Variants in CPNE4 observed in about 807,000 individuals in gnomAD.
CPNE4 encodes the protein copine-4.
CPNE4 carries 25 observed loss-of-function variants against 67.9 expected under a neutral mutation model. That is an observed-to-expected ratio of 0.37 (90% CI 0.27 to 0.51). CPNE4 has a LOEUF of 0.51. Ranked by LOEUF, CPNE4 falls within the 20% of genes least tolerant of loss-of-function variation. The pLI, the probability that CPNE4 is intolerant of heterozygous loss-of-function variation, is 0.93. For missense variants in CPNE4, 464 were observed against 690.8 expected (o/e 0.67, Z 3.68); for synonymous variants, 242 against 244.9 (o/e 0.99, Z 0.11).
chr3:131,884,090 T>C (rs922416121), intron 2 of CPNE4, among the ~76,000 whole-genome samples: 8 of 152,244 alleles, frequency 5.3e-5, no homozygotes, highest in Non-Finnish European at 1.2e-4. Context: ...ACACATTTAT[T>C]GTGTATTTTC....
chr3:131,896,747 T>C (rs1409540572), intron 2 of CPNE4, among the ~76,000 whole-genome samples: 5 of 152,100 alleles, frequency 3.3e-5, no homozygotes, highest in Non-Finnish European at 7.4e-5. Flanking sequence ...TGATACCTCC[T>C]GGTGCCACAT....
intron 2 of CPNE4, among the ~76,000 whole-genome samples, chr3:131,904,416 G>A (rs1385163534): frequency 2.6e-5 from 4 of 152,054 alleles, no homozygotes; most frequent in Non-Finnish European, 4.4e-5. Flanking sequence ...GGCTTAGAAC[G>A]AGTCACTTCT....
intron 2 of CPNE4, among the ~76,000 whole-genome samples, chr3:131,833,364 T>A (rs2085447679): frequency 6.6e-6 from 1 of 152,194 alleles, no homozygotes; most frequent in African/African-American, 2.4e-5. Context: ...ATTCCATTTA[T>A]ATCAGAAGAG....
At chr3:131,569,806 T>C (rs1408597985) in intron 10 of CPNE4, among the ~76,000 whole-genome samples, 3 of 151,940 alleles carry the variant, frequency 2.0e-5, no homozygotes, top group Non-Finnish European at 4.4e-5. Context: ...CAGCTTATTA[T>C]ATTACTAAAA....
chr3:131,621,422 T>G (rs946569934), intron 7 of CPNE4, among the ~76,000 whole-genome samples: 4 of 152,000 alleles, frequency 2.6e-5, no homozygotes, highest in African/African-American at 9.7e-5. Context: ...TTAAAACTTT[T>G]TTTTGTAGAG....
intron 2 of CPNE4, among the ~76,000 whole-genome samples, chr3:131,851,785 G>A (rs1169063830): frequency 6.6e-6 from 1 of 152,056 alleles, no homozygotes. Flanking sequence ...ACCACCTGCA[G>A]ATATATAGAA....
chr3:132,018,793 C>A (rs573928883), intron 1 of CPNE4, among the ~76,000 whole-genome samples: 4 of 152,150 alleles, frequency 2.6e-5, no homozygotes, highest in Non-Finnish European at 5.9e-5. Context: ...CTTTAATATA[C>A]CACATCATTG....
chr3:131,618,390 T>C (rs538515719), intron 7 of CPNE4, among the ~76,000 whole-genome samples: 2 of 152,288 alleles, frequency 1.3e-5, no homozygotes, highest in East Asian at 3.9e-4. Flanking sequence ...TTATGACTTT[T>C]TTGTGGGGAG....
intron 2 of CPNE4, among the ~76,000 whole-genome samples, chr3:131,792,304 A>G (rs916334325): frequency 6.6e-6 from 1 of 152,004 alleles, no homozygotes; most frequent in Non-Finnish European, 1.5e-5. Flanking sequence ...TTCAGGAAAG[A>G]TATTTTAATA....
At chr3:131,615,946 CACACA>C (rs1476674642) in intron 7 of CPNE4, among the ~76,000 whole-genome samples, 1 of 148,998 alleles carries the variant, frequency 6.7e-6, no homozygotes, top group East Asian at 1.9e-4. Context: ...CACACACACA[CACACA>C]AAAGAACATT....
intron 7 of CPNE4, among the ~76,000 whole-genome samples, chr3:131,653,332 T>C (rs2079861984): frequency 6.6e-6 from 1 of 151,604 alleles, no homozygotes. Context: ...TTTTTTTTAG[T>C]ACAGATGGGG....
intron 1 of CPNE4, among the ~76,000 whole-genome samples, chr3:131,974,952 G>T (rs2072607449): frequency 6.6e-6 from 1 of 152,188 alleles, no homozygotes. Context: ...AGGTTCCCAT[G>T]AGCGGAGATT....
chr3:131,554,848 G>A (rs1559888660), intron 12 of CPNE4, among the ~76,000 whole-genome samples: 2 of 152,162 alleles, frequency 1.3e-5, no homozygotes, highest in South Asian at 4.1e-4. Context: ...GTGGGCACGA[G>A]TTCTCTGTGG....
chr3:131,748,439 G>C (rs1299164745), intron 2 of CPNE4, among the ~76,000 whole-genome samples: 2 of 151,742 alleles, frequency 1.3e-5, no homozygotes, highest in African/African-American at 4.8e-5. Context: ...TTGATATCAG[G>C]ATTATAAAAG....
intron 2 of CPNE4, among the ~76,000 whole-genome samples, chr3:131,876,802 C>G (rs114188529): frequency 8.5e-5 from 13 of 152,068 alleles, no homozygotes; most frequent in Non-Finnish European, 1.9e-4. Context: ...ACATCACTAA[C>G]CAGAAGACCT....
chr3:131,956,642 GA>G (rs11317137), intron 1 of CPNE4, among the ~76,000 whole-genome samples: 78,546 of 151,880 alleles, frequency 0.52, 21,702 homozygotes, highest in Admixed American at 0.67. Context: ...CAAATAATTT[GA>G]AAAACTATAT....
At chr3:131,753,876 AT>A (rs950773798) in intron 2 of CPNE4, among the ~76,000 whole-genome samples, 1 of 151,700 alleles carries the variant, frequency 6.6e-6, no homozygotes, top group Non-Finnish European at 1.5e-5. Flanking sequence ...TCTACTTTAA[AT>A]TTTTTTTTAA....
At chr3:131,911,730 T>C (rs1335090914) in intron 1 of CPNE4, among the ~76,000 whole-genome samples, 1 of 152,118 alleles carries the variant, frequency 6.6e-6, no homozygotes, top group Non-Finnish European at 1.5e-5. Flanking sequence ...AATATGGAGA[T>C]ACTAAAGACA....
At chr3:132,010,834 C>T (rs1449962509) in intron 1 of CPNE4, among the ~76,000 whole-genome samples, 1 of 152,112 alleles carries the variant, frequency 6.6e-6, no homozygotes. Flanking sequence ...TGTTAGAGTC[C>T]TGTCCTTAGG....
Sources: allele counts gnomAD v4.1 joint callset (sites outside exome capture counted in the v4.1 genomes callset), GRCh38; gene constraint gnomAD v4.1.1; transcripts MANE v1.5; gene names NCBI Gene and HGNC (gene_info 2026-07-23, HGNC 2026-07-21).